The following MAP3K9 variants were observed in gnomAD, a reference collection of about 807,000 sequenced individuals.
The protein encoded by MAP3K9 is mixed lineage kinase 1 (tyr and ser/thr specificity).
Under a neutral mutation model 95.8 loss-of-function variants are expected in MAP3K9, and 46 were observed. The observed-to-expected ratio is 0.48, with a 90% CI of 0.38 to 0.61. MAP3K9 has a LOEUF of 0.61. Among genes scored for constraint, MAP3K9 ranks in the 20% least tolerant of loss-of-function variants. The probability of loss-of-function intolerance (pLI) is 0.00; values close to 1 mark genes in which losing one functional copy is unlikely to be tolerated. For synonymous variants in MAP3K9, 533 were observed against 593.8 expected (o/e 0.90, Z 1.49); for missense variants, 1,296 against 1,474.3 (o/e 0.88, Z 1.98).
chr14:70,756,477 T>C (rs573532634), intron 3 of MAP3K9, among the ~76,000 whole-genome samples: 13 of 152,310 alleles, frequency 8.5e-5, no homozygotes, highest in African/African-American at 2.6e-4. Flanking sequence ...CTGTCTTCCA[T>C]AGTGGGGCAC....
chr14:70,762,568 A>G (rs2054390798), intron 2 of MAP3K9, among the ~76,000 whole-genome samples: 2 of 152,088 alleles, frequency 1.3e-5, no homozygotes, highest in South Asian at 4.1e-4. Context: ...TGTCCACTCA[A>G]TCCTTTGCCC....
rs2054050015 is a variant in MAP3K9 at position 70,740,136 on chromosome 14, G to A, written c.1596C>T (p.Ala532=). The change falls in exon 7 of 12, where the codon GCC becomes GCT. Residue 532 remains alanine, a synonymous_variant. Coordinates refer to ENST00000554752, the MANE Select transcript of MAP3K9 (RefSeq NM_001284230.2). ...TCTTCCTTTTATCCATGGTAGGGGA[G>A]GCCTGCACCGTGAACTTGTGCTGGA... is the stretch of plus-strand genomic sequence containing the variant. The part of the protein sequence containing the change: ...SDFQHKFTVQ[A]SPTMDKRKSL... The A allele has an allele frequency of 6.2e-7, 1 of 1,613,782 alleles. No individual in the cohort carries two copies. Among genetic ancestry groups the A allele is most frequent in the African/African-American group, 1.3e-5 (1 of 74,910 alleles).
chr14:70,789,825 C>T (rs1036265605), intron 2 of MAP3K9, among the ~76,000 whole-genome samples: 6 of 152,206 alleles, frequency 3.9e-5, no homozygotes, highest in African/African-American at 1.4e-4. Context: ...ATGTCTCACT[C>T]TTACAGTATA....
rs563603717 is a variant in MAP3K9 at position 70,756,022 on chromosome 14, C to T, written c.1001+4980G>A. On this transcript the variant is annotated intron_variant, in intron 3 of 11. Transcript: ENST00000554752. ...TCTCACCAGAGGCTCTTCCTTCAAG[C>T]CTGCTTTTAGGATCATGGTTATAGG... Among the ~76,000 whole-genome samples, 7 of 152,282 alleles carry T rather than the reference C, an allele frequency of 4.6e-5. No individual in the cohort carries two copies. The East Asian group carries it at 1.3e-3, about 29-fold the overall frequency.
chr14:70,787,895 C>G (rs1566762720), intron 2 of MAP3K9, among the ~76,000 whole-genome samples: 1 of 152,054 alleles, frequency 6.6e-6, no homozygotes, highest in Non-Finnish European at 1.5e-5. Flanking sequence ...ATGCGAAGTC[C>G]TATACTAGGG....
At chr14:70,760,875 G>T in intron 3 of MAP3K9, 127 bp downstream of exon 3, 1 of 910,682 alleles carries the variant, frequency 1.1e-6, no homozygotes, top group Non-Finnish European at 1.7e-6. Context: ...GATGACTCTT[G>T]GGGGAGGTCA....
chr14:70,761,533 C>T (rs542461932), intron 2 of MAP3K9, among the ~76,000 whole-genome samples: 22 of 152,286 alleles, frequency 1.4e-4, no homozygotes, highest in Middle Eastern at 3.4e-3. Context: ...GAGGCCGAGA[C>T]GGGTGGATCA....
rs908529912 is a variant in MAP3K9 at position 70,776,057 on chromosome 14, C to T, written c.821-14875G>A. ...TACAAAAATTAGCTGAGCATGATGGCGGGCGCCTGTAATCCCAGCTTCTCG... is the reference window on the plus strand; with the variant it reads ...TACAAAAATTAGCTGAGCATGATGGTGGGCGCCTGTAATCCCAGCTTCTCG... On this transcript the variant is annotated intron_variant, in intron 2 of 11. Coordinates refer to ENST00000554752, the MANE Select transcript of MAP3K9 (RefSeq NM_001284230.2). Among the ~76,000 whole-genome samples the T allele has an allele frequency of 3.3e-5, 5 of 151,994 alleles. No homozygotes were observed. The South Asian group carries it at 6.2e-4, about 19-fold the overall frequency.
intron 2 of MAP3K9, among the ~76,000 whole-genome samples, chr14:70,794,587 GGGGTAAAAATAAACA>G (rs1411141245): frequency 4.6e-5 from 7 of 151,898 alleles, no homozygotes; most frequent in African/African-American, 1.7e-4. Context: ...CTATTATCTA[GGGGTAAAAATAAACA>G]TGCAAAAATG....
In MAP3K9 at chr14:70,730,801, T is replaced by C. The variant is rs138444992; in HGVS notation, c.2894A>G (p.Asn965Ser). 1.6e-4 allele frequency: 256 copies of C among 1,612,194 alleles called. 1 individual carries two copies. In the East Asian group the frequency reaches 2.3e-3, roughly 14 times the overall value. ...CCTTGGGGTTGGGGGGAAGACCACA[T>C]TGGGGTCAGGGAGACGGGGGAATTC... ...PGEFPRLPDP[N>S]VVFPPTPRRW... Residue 965 changes from asparagine (N) to serine (S), a missense_variant, in exon 12 of 12, where the codon AAT becomes AGT. Asn to Ser is a conservative substitution (Grantham distance 46). Coordinates refer to ENST00000554752, the MANE Select transcript of MAP3K9 (RefSeq NM_001284230.2).
Position 70,732,834 on chromosome 14 carries a change from G to A in MAP3K9, c.2535C>T (p.Ser845=). ...LSLSSISECN[S]TRSLLRSDSD... is the part of the protein sequence containing the mutation. ...TGTCGGAGCGCAGCAGGGAGCGTGT[G>A]GAGTTGCACTCGGAGATGGAGGAGA... Residue 845 remains serine (S), a synonymous_variant, in exon 11 of 12, where the codon TCC becomes TCT. Coordinates refer to ENST00000554752, the MANE Select transcript of MAP3K9 (RefSeq NM_001284230.2). 6.2e-7 allele frequency: 1 copy of A among 1,614,026 alleles called. No homozygotes were observed. The highest frequency in any genetic ancestry group is 2.2e-5 in the East Asian group (1 of 44,860).
At position 70,729,378 on chromosome 14, in the gene MAP3K9, C is replaced by T. The variant is rs1034145326; in HGVS notation, c.*1002G>A. 5 of 152,140 alleles carry T rather than the reference C, an allele frequency of 3.3e-5. No individual in the cohort carries two copies. The highest frequency in any genetic ancestry group is 1.2e-4 in the African/African-American group (5 of 41,386). 9.4% of individuals were successfully genotyped at this position (152,140 alleles called of 1,614,324 possible). ...GGTGATATCTACTAACCAAACATAA[C>T]CAAAAGCCCACAAACTCCAGGGATT... On this transcript the variant is annotated 3_prime_UTR_variant, in exon 12 of 12. Transcript: ENST00000554752.
At position 70,738,309 on chromosome 14, in the gene MAP3K9, T is replaced by G. The variant is rs1423978157; in HGVS notation, c.1780A>C (p.Lys594Gln). ...GEEEEKRAPKKKGRTWGPGTL... is the reference protein window; with the variant it reads ...GEEEEKRAPKQKGRTWGPGTL... ...CCTGGCCCCCACGTCCGTCCCTTCT[T>G]CTTTGGGGCCCTCTTCTCCTCCTCC... The change falls in exon 8 of 12, where the codon AAG becomes CAG. Residue 594 changes from lysine to glutamine, a missense_variant. Lys to Gln is a moderately conservative substitution (Grantham distance 53). Coordinates refer to ENST00000554752, the MANE Select transcript of MAP3K9 (RefSeq NM_001284230.2). 1 of 1,613,896 alleles carries G rather than the reference T, an allele frequency of 6.2e-7. No individual in the cohort carries two copies. Among genetic ancestry groups the G allele is most frequent in the Non-Finnish European group, 8.5e-7 (1 of 1,179,980 alleles).
intron 3 of MAP3K9, among the ~76,000 whole-genome samples, chr14:70,758,090 C>G (rs1046365521): frequency 6.6e-6 from 1 of 151,872 alleles, no homozygotes; most frequent in Non-Finnish European, 1.5e-5. Context: ...AAAGAACAGC[C>G]TTAAGAAAGT....
At chr14:70,738,648 A>G (rs1250778389) in intron 7 of MAP3K9, among the ~76,000 whole-genome samples, 1 of 152,176 alleles carries the variant, frequency 6.6e-6, no homozygotes, top group East Asian at 1.9e-4. Context: ...GTAAAGCTAG[A>G]GCTTAGGCCA....
rs911411720 is a variant in MAP3K9, at chr14:70,727,956, G to A, written c.*2424C>T. 3.9e-5 allele frequency: 6 copies of A among 152,094 alleles called. No individual in the cohort carries two copies. The highest frequency in any genetic ancestry group is 3.3e-4 in the Admixed American group (5 of 15,262). 9.4% of individuals were successfully genotyped at this position (152,094 alleles called of 1,614,324 possible). A position where few individuals can be genotyped will look rare whatever the true frequency, so the allele number is the denominator to read the frequency against. Reference sequence around the variant, plus strand: ...ATGGCAAAAGTTAAAAATGAGCAAAGGAAAAATCTCTGCTTCATACCACAG... The same window carrying A: ...ATGGCAAAAGTTAAAAATGAGCAAAAGAAAAATCTCTGCTTCATACCACAG... On this transcript the variant is annotated 3_prime_UTR_variant, in exon 12 of 12. Transcript: ENST00000554752.
chr14:70,809,395 G>C lies in MAP3K9; in HGVS notation c.-224C>G, dbSNP rs1229823196. On this transcript the variant is annotated 5_prime_UTR_variant, in exon 1 of 12. Coordinates refer to ENST00000554752, the MANE Select transcript of MAP3K9 (RefSeq NM_001284230.2). The stretch of plus-strand genomic sequence containing the variant: ...CTTCGCGCAGCCTAGGGGCGCAGCG[G>C]GCCGAGTCCCCGCCTGCCCGCTCGC... 3 of 458,402 alleles carry C rather than the reference G, an allele frequency of 6.5e-6. No homozygotes were observed. The Admixed American group carries it at 1.4e-4, about 21-fold the overall frequency. The allele number at this position is 458,402 out of a possible 1,614,324, so 28.4% of individuals were successfully genotyped here. A position where few individuals can be genotyped will look rare whatever the true frequency, so the allele number is the denominator to read the frequency against.
At chr14:70,768,306 A>T (rs977388597) in intron 2 of MAP3K9, among the ~76,000 whole-genome samples, 1 of 148,738 alleles carries the variant, frequency 6.7e-6, no homozygotes, top group Non-Finnish European at 1.5e-5. Flanking sequence ...ATTAAAAATT[A>T]AAAAAAAATT....
chr14:70,792,246 T>C (rs1015391496), intron 2 of MAP3K9, among the ~76,000 whole-genome samples: 1 of 152,194 alleles, frequency 6.6e-6, no homozygotes, highest in Non-Finnish European at 1.5e-5. Flanking sequence ...AATCCAATTC[T>C]CTGAGCGCTT....
Sources: allele counts gnomAD v4.1 joint callset (sites outside exome capture counted in the v4.1 genomes callset), GRCh38; gene constraint gnomAD v4.1.1; transcripts MANE v1.5; gene names NCBI Gene and HGNC (gene_info 2026-07-23, HGNC 2026-07-21).